The following CYFIP1 variants were observed in gnomAD, a reference collection of about 807,000 sequenced individuals.
CYFIP1 encodes the protein cytoplasmic FMR1 interacting protein 1, also known as cytoplasmic FMR1-interacting protein 1.
Under a neutral mutation model 163.5 loss-of-function variants are expected in CYFIP1, and 58 were observed. The observed-to-expected ratio is 0.35, with a 90% CI of 0.29 to 0.44. CYFIP1 has a LOEUF of 0.44. Ranked by LOEUF, CYFIP1 falls within the 20% of genes least tolerant of loss-of-function variation. The probability of loss-of-function intolerance (pLI) is 1.00; values close to 1 mark genes in which losing one functional copy is unlikely to be tolerated. For synonymous variants in CYFIP1, 663 were observed against 660.7 expected (o/e 1.00, Z -0.05); for missense variants, 1,338 against 1,653.8 (o/e 0.81, Z 3.31).
At chr15:22,968,870 G>A (rs1045631597) in intron 1 of CYFIP1, among the ~76,000 whole-genome samples, 1 of 152,174 alleles carries the variant, frequency 6.6e-6, no homozygotes, top group Non-Finnish European at 1.5e-5. Flanking sequence ...GTCCTTCTAG[G>A]AACAGCTTGA....
Position 22,977,190 on chromosome 15 carries a change from ACT to A in CYFIP1, c.-7+3095_-7+3096del, listed in dbSNP as rs1244958570. Among the ~76,000 whole-genome samples the A allele has an allele frequency of 2.0e-5, 3 of 149,742 alleles. No homozygotes were observed. In the South Asian group the frequency reaches 6.4e-4, roughly 32 times the overall value. ...CTCTAGCCTGGGCAACAAGAATGAA[ACT>A]CTGTCTCAAAAAAAAAAAAGAAAAA... On this transcript the variant is annotated intron_variant, in intron 1 of 30. Coordinates refer to ENST00000617928, the MANE Select transcript of CYFIP1 (RefSeq NM_014608.6).
intron 23 of CYFIP1, 144 bp downstream of exon 23, chr15:22,892,746 A>T (rs1258085456): frequency 3.1e-6 from 2 of 638,872 alleles, no homozygotes; most frequent in South Asian, 2.1e-5. Flanking sequence ...TTTCAGGAAG[A>T]TGTTAACAGA....
At position 22,882,964 on chromosome 15, in the gene CYFIP1, G is replaced by A. The variant is rs145238748; in HGVS notation, c.2724C>T (p.Phe908=). ...YSSIYGSYRN[F]VGPPHFQVIC... ...TGACTTGAAAGTGTGGAGGTCCCAC[G>A]AAGTTCCGGTAGCTGCCGTAAATGC... The change falls in exon 24 of 31, where the codon TTC becomes TTT. Residue 908 remains phenylalanine (F), a synonymous_variant. Transcript: ENST00000617928. 15 of 1,613,922 alleles carry A rather than the reference G, an allele frequency of 9.3e-6. No individual in the cohort carries two copies. The highest frequency in any genetic ancestry group is 5.0e-5 in the Admixed American group (3 of 59,992).
chr15:22,958,154 C>G (rs542224839), intron 1 of CYFIP1, among the ~76,000 whole-genome samples: 2 of 150,354 alleles, frequency 1.3e-5, no homozygotes, highest in Non-Finnish European at 2.9e-5. Context: ...GGCGCAATCT[C>G]GGCTCACTGC....
At chr15:22,977,744 T>C (rs2063326185) in intron 1 of CYFIP1, among the ~76,000 whole-genome samples, 2 of 151,664 alleles carry the variant, frequency 1.3e-5, no homozygotes, top group South Asian at 4.2e-4. Context: ...GGCAGGAGAA[T>C]TGCTTGAACC....
chr15:22,962,201 A>G (rs376791739), intron 1 of CYFIP1, among the ~76,000 whole-genome samples: 4 of 152,194 alleles, frequency 2.6e-5, no homozygotes, highest in African/African-American at 7.2e-5. Flanking sequence ...ACTCAGATAC[A>G]TAATAATTCT....
intron 13 of CYFIP1, among the ~76,000 whole-genome samples, chr15:22,920,974 C>T (rs1017234608): frequency 1.3e-5 from 2 of 152,062 alleles, no homozygotes; most frequent in Non-Finnish European, 2.9e-5. Context: ...TTTAGATGCA[C>T]GCATTAGAAA....
At chr15:22,942,586 G>C (rs539396593) in intron 6 of CYFIP1, among the ~76,000 whole-genome samples, 1 of 152,122 alleles carries the variant, frequency 6.6e-6, no homozygotes, top group Non-Finnish European at 1.5e-5. Flanking sequence ...TCTTCCGCTC[G>C]TCTTGCCAGC....
At chr15:22,870,709 C>T (rs1035959965) in intron 30 of CYFIP1, among the ~76,000 whole-genome samples, 4 of 152,220 alleles carry the variant, frequency 2.6e-5, no homozygotes, top group South Asian at 2.1e-4. Flanking sequence ...TTCATTCATG[C>T]GCACAATTGA....
chr15:22,927,125 C>T (rs1179592606), intron 12 of CYFIP1, among the ~76,000 whole-genome samples: 3 of 151,986 alleles, frequency 2.0e-5, no homozygotes, highest in Admixed American at 6.6e-5. Flanking sequence ...TGGCTTGAGG[C>T]CAGGAGTTTG....
chr15:22,908,819 G>A (rs144527249), intron 21 of CYFIP1, among the ~76,000 whole-genome samples: 13 of 152,208 alleles, frequency 8.5e-5, no homozygotes, highest in Admixed American at 7.2e-4. Context: ...ATGAGCCACC[G>A]TGCCAGCCAA....
At chr15:22,940,292 G>A (rs1020244625) in intron 6 of CYFIP1, among the ~76,000 whole-genome samples, 2 of 152,140 alleles carry the variant, frequency 1.3e-5, no homozygotes, top group African/African-American at 4.8e-5. Flanking sequence ...CCTTAGGAAC[G>A]AGCCCTGCAT....
chr15:22,929,394 G>A (rs903543515), intron 11 of CYFIP1, among the ~76,000 whole-genome samples: 1 of 152,084 alleles, frequency 6.6e-6, no homozygotes, highest in Non-Finnish European at 1.5e-5. Context: ...AAAACTCTGG[G>A]AGGCTGAGGT....
intron 1 of CYFIP1, among the ~76,000 whole-genome samples, chr15:22,971,993 G>A (rs956837331): frequency 1.3e-5 from 2 of 152,206 alleles, no homozygotes; most frequent in African/African-American, 4.8e-5. Flanking sequence ...CAGATTCAAT[G>A]CAGTCTCTAT....
At chr15:22,980,713 G>T (rs907958473), upstream of CYFIP1, among the ~76,000 whole-genome samples, 3 of 151,986 alleles carry the variant, frequency 2.0e-5, no homozygotes, top group Non-Finnish European at 4.4e-5. Context: ...TCAGGGCGGG[G>T]GTTGGCCTGA....
chr15:22,978,792 C>T (rs904315476), intron 1 of CYFIP1, among the ~76,000 whole-genome samples: 1 of 152,084 alleles, frequency 6.6e-6, no homozygotes, highest in East Asian at 1.9e-4. Flanking sequence ...TTATGCTAAG[C>T]GAAACAAGCC....
In CYFIP1 at chr15:22,892,990, G is replaced by A; in HGVS notation, c.2589-13C>T. 1.3e-6 allele frequency: 2 copies of A among 1,598,190 alleles called. No homozygotes were observed. The highest frequency in any genetic ancestry group is 1.7e-6 in the Non-Finnish European group (2 of 1,169,342). On this transcript the variant is annotated splice_polypyrimidine_tract_variant and intron_variant, in intron 22 of 30. Coordinates refer to ENST00000617928, the MANE Select transcript of CYFIP1 (RefSeq NM_014608.6). Reference sequence around the variant, plus strand: ...TGTCCGAACAAACCTAAACAAGAAAGATTTAAAAAAGAAAAAGAAACCAAA... The same window carrying A: ...TGTCCGAACAAACCTAAACAAGAAAAATTTAAAAAAGAAAAAGAAACCAAA...
intron 11 of CYFIP1, among the ~76,000 whole-genome samples, chr15:22,931,823 C>T (rs575031419): frequency 2.7e-5 from 4 of 150,916 alleles, no homozygotes; most frequent in African/African-American, 9.7e-5. Context: ...GCATATACAA[C>T]GGTGGTCCCA....
At chr15:22,894,391 A>G in intron 22 of CYFIP1, among the ~76,000 whole-genome samples, 1 of 147,116 alleles carries the variant, frequency 6.8e-6, no homozygotes, top group Non-Finnish European at 1.5e-5. Flanking sequence ...CCGGATTCAA[A>G]CGATTCTCCT....
Sources: gnomAD v4.1 joint callset for allele counts (sites outside exome capture counted in the v4.1 genomes callset) on GRCh38, gnomAD v4.1.1 for gene constraint, MANE v1.5 for transcripts, NCBI Gene and HGNC (gene_info 2026-07-23, HGNC 2026-07-21) for gene names.